The following ABCC4 variants were observed in gnomAD, a reference collection of about 807,000 sequenced individuals.
ABCC4 encodes ATP binding cassette subfamily C member 4 (PEL blood group).
In ABCC4, 102 loss-of-function variants were observed where a neutral mutation model predicts 168.5. The observed-to-expected ratio is 0.61, with a 90% CI of 0.52 to 0.71. The LOEUF is 0.71. Ranked by LOEUF, ABCC4 falls within the 30% of genes least tolerant of loss-of-function variation. The probability of loss-of-function intolerance (pLI) is 0.00; values close to 1 mark genes in which losing one functional copy is unlikely to be tolerated. For synonymous variants in ABCC4, 617 were observed against 590.7 expected, an observed-to-expected ratio of 1.04 and a Z score of -0.65; for missense variants, 1,402 against 1,605.8, an observed-to-expected ratio of 0.87 and a Z score of 2.17.
intron 10 of ABCC4, among the ~76,000 whole-genome samples, chr13:95,187,283 G>T (rs1296782040): frequency 3.9e-5 from 6 of 152,188 alleles, no homozygotes; most frequent in African/African-American, 1.4e-4. Context: ...TTTTGACAAA[G>T]AACTAATCCT....
At chr13:95,285,667 G>C (rs1000465325) in intron 1 of ABCC4, among the ~76,000 whole-genome samples, 1 of 152,178 alleles carries the variant, frequency 6.6e-6, no homozygotes, top group Non-Finnish European at 1.5e-5. Context: ...ACTCTAGCCA[G>C]GGTATATAAC....
In ABCC4 at chr13:95,192,993, G is replaced by T. The variant is rs542676437; in HGVS notation, c.1263+1843C>A. Among the ~76,000 whole-genome samples the T allele has an allele frequency of 2.0e-5, 3 of 152,344 alleles. No homozygotes were observed. In the East Asian group the frequency reaches 5.8e-4, roughly 29 times the overall value. The stretch of plus-strand genomic sequence containing the variant: ...AGATAAAGAGAAACTGTCACCTTGT[G>T]TGAGTTTCCATGTGCACAAGATGCG... On this transcript the variant is annotated intron_variant, in intron 9 of 30. Coordinates refer to ENST00000645237, the MANE Select transcript of ABCC4 (RefSeq NM_005845.5).
At chr13:95,163,528 A>G in intron 17 of ABCC4, 82 bp downstream of exon 17, 1 of 1,266,576 alleles carries the variant, frequency 7.9e-7, no homozygotes, top group Non-Finnish European at 1.1e-6. Context: ...GGATCAACAA[A>G]CACCTCCCTC....
intron 15 of ABCC4, among the ~76,000 whole-genome samples, chr13:95,165,543 A>G (rs2037242758): frequency 6.6e-6 from 1 of 152,198 alleles, no homozygotes; most frequent in African/African-American, 2.4e-5. Context: ...GAGCAGCTCT[A>G]TGCTGGCCAC....
Position 95,188,512 on chromosome 13 carries a change from A to C in ABCC4, c.1294T>G (p.Ser432Ala), listed in dbSNP as rs2038142858. 1 of 1,613,996 alleles carries C rather than the reference A, an allele frequency of 6.2e-7. No homozygotes were observed. Among genetic ancestry groups the C allele is most frequent in the African/African-American group, 1.3e-5 (1 of 74,950 alleles). Reference sequence around the variant, plus strand: ...AATTCGCCAGGTCTGACAGTAAAGGAAAGGCCTTGTAGAGTTGGGGTCTCT... The same window carrying C: ...AATTCGCCAGGTCTGACAGTAAAGGCAAGGCCTTGTAGAGTTGGGGTCTCT... ...ASETPTLQGLSFTVRPGELLA... is the reference protein window; with the variant it reads ...ASETPTLQGLAFTVRPGELLA... The change falls in exon 10 of 31, where the codon TCC becomes GCC. Residue 432 changes from serine (S) to alanine (A), a missense_variant. This residue lies in a region of ABCC4 where 1,007 missense variants were observed against 1,127.3 expected (regional missense o/e 0.89). Coordinates refer to ENST00000645237, the MANE Select transcript of ABCC4 (RefSeq NM_005845.5).
chr13:95,075,543 G>A lies in ABCC4; in HGVS notation c.2695C>T (p.Pro899Ser), dbSNP rs780945816. 4 of 1,614,032 alleles carry A rather than the reference G, an allele frequency of 2.5e-6. No homozygotes were observed. Among genetic ancestry groups the A allele is most frequent in the Non-Finnish European group, 3.4e-6 (4 of 1,179,966 alleles). Reference sequence around the variant, plus strand: ...GAAGATGATAAGTGGGAAAACACTGGACTCCGAGCTGGGGAAACAGACAGA... The same window carrying A: ...GAAGATGATAAGTGGGAAAACACTGAACTCCGAGCTGGGGAAACAGACAGA... The part of the protein sequence containing the change: ...VKRLESTTRS[P>S]VFSHLSSSLQ... The change falls in exon 22 of 31, where the codon CCA (proline) becomes TCA (serine). Residue 899 changes from proline (P) to serine (S), a missense_variant. Pro to Ser is a moderately conservative substitution (Grantham distance 74). Coordinates refer to ENST00000645237, the MANE Select transcript of ABCC4 (RefSeq NM_005845.5).
intron 1 of ABCC4, among the ~76,000 whole-genome samples, chr13:95,288,214 G>A (rs941755387): frequency 2.0e-5 from 3 of 152,064 alleles, no homozygotes; most frequent in African/African-American, 7.2e-5. Flanking sequence ...ACAAGATCAT[G>A]GGTCTTCTGG....
chr13:95,024,985 C>T (rs2031320708), intron 30 of ABCC4, among the ~76,000 whole-genome samples: 1 of 151,940 alleles, frequency 6.6e-6, no homozygotes, highest in Admixed American at 6.6e-5. Context: ...CAAGCCTCAA[C>T]AATCATAGGA....
chr13:95,153,097 C>T (rs935875604), intron 19 of ABCC4, among the ~76,000 whole-genome samples: 1 of 152,144 alleles, frequency 6.6e-6, no homozygotes. Context: ...ATTCCAGAAA[C>T]AGTGTTCTAT....
chr13:95,237,386 T>C (rs1284175828), intron 3 of ABCC4, among the ~76,000 whole-genome samples: 2 of 152,186 alleles, frequency 1.3e-5, no homozygotes, highest in East Asian at 3.9e-4. Context: ...ACTTTCTAAA[T>C]ATCAGTACCA....
intron 4 of ABCC4, among the ~76,000 whole-genome samples, chr13:95,232,157 G>A (rs7324591): frequency 0.71 from 107,468 of 151,072 alleles, 38,763 homozygotes; most frequent in Non-Finnish European, 0.79. Context: ...TGGTGGTGGT[G>A]ATGATGATGA....
chr13:95,062,507 CAGAG>C (rs371008285), intron 26 of ABCC4, among the ~76,000 whole-genome samples, 193 bp downstream of exon 26: 13 of 151,410 alleles, frequency 8.6e-5, no homozygotes, highest in East Asian at 3.9e-4. Flanking sequence ...CACACACACA[CAGAG>C]AGAGAGAGAA....
Position 95,206,710 on chromosome 13 carries a change from C to T in ABCC4, c.983G>A (p.Ser328Asn). The change falls in exon 8 of 31, where the codon AGC (serine) becomes AAC (asparagine). Residue 328 changes from serine (S) to asparagine (N), a missense_variant. Ser to Asn is a conservative substitution (Grantham distance 46). This residue lies in a region of ABCC4 where 78 missense variants were observed against 133.0 expected (regional missense o/e 0.59). Transcript: ENST00000645237. Reference sequence around the variant, plus strand: ...GAAGGTCACAAACACGATGATTTTGCTTGCACTGAAAAATGAAGCCAAATT... The same window carrying T: ...GAAGGTCACAAACACGATGATTTTGTTTGCACTGAAAAATGAAGCCAAATT... Reference protein sequence around the residue: ...GMNLASFFSASKIIVFVTFTT... With the variant: ...GMNLASFFSANKIIVFVTFTT... The T allele has an allele frequency of 6.2e-7, 1 of 1,614,160 alleles. No homozygotes were observed. Among genetic ancestry groups the T allele is most frequent in the Non-Finnish European group, 8.5e-7 (1 of 1,180,028 alleles).
At chr13:95,162,417 G>C (rs2037127040) in intron 18 of ABCC4, among the ~76,000 whole-genome samples, 2 of 152,154 alleles carry the variant, frequency 1.3e-5, no homozygotes, top group Admixed American at 1.3e-4. Flanking sequence ...TCTTTAAACA[G>C]TATGTAATGC....
At chr13:95,278,073 G>A (rs1014784661) in intron 1 of ABCC4, among the ~76,000 whole-genome samples, 1 of 152,134 alleles carries the variant, frequency 6.6e-6, no homozygotes, top group South Asian at 2.1e-4. Flanking sequence ...AGGGACGGAG[G>A]AGAGAACGCC....
chr13:95,080,449 G>A (rs2034056948), intron 21 of ABCC4, among the ~76,000 whole-genome samples: 1 of 152,110 alleles, frequency 6.6e-6, no homozygotes, highest in Non-Finnish European at 1.5e-5. Context: ...CCAGGCTGGA[G>A]TGCAATGGTG....
At chr13:95,211,934 C>T (rs2038969491) in intron 4 of ABCC4, among the ~76,000 whole-genome samples, 2 of 152,056 alleles carry the variant, frequency 1.3e-5, no homozygotes, top group South Asian at 4.1e-4. Context: ...AATCCCAGCA[C>T]TTAGTGGGGC....
chr13:95,086,614 T>C (rs996881723), intron 20 of ABCC4, among the ~76,000 whole-genome samples: 1 of 152,240 alleles, frequency 6.6e-6, no homozygotes, highest in Non-Finnish European at 1.5e-5. Flanking sequence ...ACTATTTACT[T>C]TAAACTTCAT....
intron 20 of ABCC4, among the ~76,000 whole-genome samples, chr13:95,086,587 T>G (rs1259134973): frequency 6.6e-6 from 1 of 152,216 alleles, no homozygotes; most frequent in Non-Finnish European, 1.5e-5. Context: ...CCTGGAGAAA[T>G]TTTTAGGTAT....
Sources: allele counts gnomAD v4.1 joint callset (sites outside exome capture counted in the v4.1 genomes callset), GRCh38; gene constraint gnomAD v4.1.1; regional missense constraint gnomAD v4.1.1; transcripts MANE v1.5; gene names NCBI Gene and HGNC (gene_info 2026-07-23, HGNC 2026-07-21).